The following KCNJ6 variants were observed in gnomAD, a reference collection of about 807,000 sequenced individuals.
The protein encoded by KCNJ6 is potassium inwardly rectifying channel subfamily J member 6, also known as G protein-activated inward rectifier potassium channel 2.
Under a neutral mutation model 34.2 loss-of-function variants are expected in KCNJ6, and 9 were observed. That is an observed-to-expected ratio of 0.26 (90% CI 0.16 to 0.46). The LOEUF (loss-of-function observed/expected upper bound fraction) is 0.46, where lower values mean the gene tolerates loss of function less well. Ranked by LOEUF, KCNJ6 falls within the 20% of genes least tolerant of loss-of-function variation. The pLI is 1.00. For missense variants in KCNJ6, 236 were observed against 531.3 expected, an observed-to-expected ratio of 0.44 and a Z score of 5.46; for synonymous variants, 196 against 207.1, an observed-to-expected ratio of 0.95 and a Z score of 0.46.
chr21:37,876,160 C>T (rs1477752698), intron 1 of KCNJ6, among the ~76,000 whole-genome samples: 1 of 152,212 alleles, frequency 6.6e-6, no homozygotes, highest in Non-Finnish European at 1.5e-5. Context: ...TGTGCAACTG[C>T]CTTGGTGGCA....
intron 3 of KCNJ6, among the ~76,000 whole-genome samples, chr21:37,661,207 AC>A (rs1023608278): frequency 1.8e-4 from 27 of 152,242 alleles, no homozygotes; most frequent in African/African-American, 5.1e-4. Flanking sequence ...CCCCACTCCC[AC>A]CTTTTGGTAT....
At chr21:37,626,818 T>C (rs1011559914) in intron 3 of KCNJ6, among the ~76,000 whole-genome samples, 1 of 152,186 alleles carries the variant, frequency 6.6e-6, no homozygotes, top group Non-Finnish European at 1.5e-5. Context: ...CAGAAAAAGA[T>C]AAACTTTTAG....
At chr21:37,809,268 C>A (rs867945521) in intron 2 of KCNJ6, among the ~76,000 whole-genome samples, 1 of 151,818 alleles carries the variant, frequency 6.6e-6, no homozygotes. Context: ...AGCAAACTAT[C>A]GCAAGGACAA....
intron 2 of KCNJ6, among the ~76,000 whole-genome samples, chr21:37,810,154 A>T (rs190321847): frequency 6.6e-6 from 1 of 151,932 alleles, no homozygotes; most frequent in Non-Finnish European, 1.5e-5. Context: ...AACACACAAA[A>T]TTTTTTCAAG....
Position 37,695,239 on chromosome 21 carries a change from C to T in KCNJ6, c.946+18972G>A, listed in dbSNP as rs1204035531. Among the ~76,000 whole-genome samples the T allele has an allele frequency of 6.6e-6, 1 of 152,168 alleles. No individual in the cohort carries two copies. The highest frequency in any genetic ancestry group is 1.5e-5 in the Non-Finnish European group (1 of 68,032). ...TGTTGCAACCACAAGGGAGACCTGG[C>T]TTGTTACAGAACTTAACAGTGTCCA... On this transcript the variant is annotated intron_variant, in intron 3 of 3. Transcript: ENST00000609713. This position sits in a 1 kb window ranked among gnomAD's most constrained non-coding sequence, Gnocchi z 4.2.
intron 1 of KCNJ6, among the ~76,000 whole-genome samples, chr21:37,886,226 G>A (rs558996763): frequency 3.3e-5 from 5 of 152,238 alleles, no homozygotes; most frequent in African/African-American, 1.2e-4. Flanking sequence ...TTGATCTTTT[G>A]TTATCAGAGC....
intron 1 of KCNJ6, among the ~76,000 whole-genome samples, chr21:37,892,856 T>TA (rs1421705716): frequency 6.8e-6 from 1 of 146,134 alleles, no homozygotes; most frequent in African/African-American, 2.6e-5. Flanking sequence ...CTTTCATAGT[T>TA]TTTTTTTTTT....
At chr21:37,901,797 T>G (rs555092045) in intron 1 of KCNJ6, among the ~76,000 whole-genome samples, 18 of 152,226 alleles carry the variant, frequency 1.2e-4, no homozygotes, top group Non-Finnish European at 2.2e-4. Flanking sequence ...TCCTTTAAAG[T>G]CCTAGAAGAG....
At chr21:37,791,391 T>C (rs1164206750) in intron 2 of KCNJ6, among the ~76,000 whole-genome samples, 1 of 152,212 alleles carries the variant, frequency 6.6e-6, no homozygotes, top group Non-Finnish European at 1.5e-5. Flanking sequence ...ACAGTTCTTG[T>C]GGTCCATGCA....
At chr21:37,663,632 G>A (rs1787393) in intron 3 of KCNJ6, among the ~76,000 whole-genome samples, 87,630 of 151,974 alleles carry the variant, frequency 0.58, 25,535 homozygotes, top group East Asian at 0.85. Context: ...GAAGGCAAAA[G>A]GTATTGCAAG....
At chr21:37,678,242 G>A (rs1197376511) in intron 3 of KCNJ6, among the ~76,000 whole-genome samples, 1 of 152,208 alleles carries the variant, frequency 6.6e-6, no homozygotes, top group South Asian at 2.1e-4. Context: ...TCGTTGGGCT[G>A]CTGAAGTGAA....
chr21:37,653,299 G>A (rs2123389654), intron 3 of KCNJ6, among the ~76,000 whole-genome samples: 1 of 152,224 alleles, frequency 6.6e-6, no homozygotes, highest in Admixed American at 6.5e-5. Flanking sequence ...AAAATCAGTG[G>A]GTCAGTAGGT....
At chr21:37,846,022 G>A (rs1179785457) in intron 1 of KCNJ6, among the ~76,000 whole-genome samples, 1 of 151,984 alleles carries the variant, frequency 6.6e-6, no homozygotes, top group Non-Finnish European at 1.5e-5. Flanking sequence ...GTTCACAGAT[G>A]CTGAAAAAAA....
chr21:37,700,251 A>AT (rs2054683947), intron 3 of KCNJ6, among the ~76,000 whole-genome samples: 1 of 152,100 alleles, frequency 6.6e-6, no homozygotes, highest in African/African-American at 2.4e-5. Flanking sequence ...TAGGGGTGGC[A>AT]TTTGCAGGGA....
At chr21:37,894,693 C>T (rs962935201) in intron 1 of KCNJ6, among the ~76,000 whole-genome samples, 12 of 151,914 alleles carry the variant, frequency 7.9e-5, no homozygotes, top group African/African-American at 2.7e-4. Flanking sequence ...AACATTGTAC[C>T]ACTCAGCTCC....
chr21:37,753,278 G>A (rs1435416844), intron 2 of KCNJ6, among the ~76,000 whole-genome samples: 1 of 152,150 alleles, frequency 6.6e-6, no homozygotes, highest in Non-Finnish European at 1.5e-5. Context: ...GGGCCCAGAT[G>A]GTATTTCCTG....
intron 3 of KCNJ6, among the ~76,000 whole-genome samples, chr21:37,651,356 T>C (rs1031875742): frequency 1.3e-5 from 2 of 152,192 alleles, no homozygotes; most frequent in African/African-American, 4.8e-5. Context: ...CTAAAAGCAG[T>C]AAGAAGGCAT....
intron 2 of KCNJ6, among the ~76,000 whole-genome samples, chr21:37,751,464 T>C (rs2054995040): frequency 6.6e-6 from 1 of 152,170 alleles, no homozygotes; most frequent in South Asian, 2.1e-4. Flanking sequence ...TATGTGCCTA[T>C]TTTCACACTC....
intron 3 of KCNJ6, among the ~76,000 whole-genome samples, chr21:37,661,773 C>G (rs1001502747): frequency 1.4e-5 from 2 of 143,538 alleles, no homozygotes; most frequent in African/African-American, 5.2e-5. Context: ...CAGGCGCCGG[C>G]CACCATGCCC....
Sources: gnomAD v4.1 joint callset for allele counts (sites outside exome capture counted in the v4.1 genomes callset) on GRCh38, gnomAD v4.1.1 for gene constraint, Gnocchi (gnomAD v3.1) non-coding constraint, MANE v1.5 for transcripts, NCBI Gene and HGNC (gene_info 2026-07-23, HGNC 2026-07-21) for gene names.